PSMC2: variants seen among roughly 807,000 people sequenced by gnomAD.
PSMC2 encodes the protein 26S proteasome regulatory subunit 7.
Under a neutral mutation model 53.3 loss-of-function variants are expected in PSMC2, and 7 were observed. The observed-to-expected ratio is 0.13, with a 90% CI of 0.07 to 0.25. The LOEUF (loss-of-function observed/expected upper bound fraction) is 0.25, where lower values mean the gene tolerates loss of function less well. Ranked by LOEUF, PSMC2 falls within the 10% of genes least tolerant of loss-of-function variation. The pLI is 1.00. For missense variants in PSMC2, 241 were observed against 544.0 expected (o/e 0.44, Z 5.54); for synonymous variants, 169 against 183.9 (o/e 0.92, Z 0.66).
At position 103,368,099 on chromosome 7, in the gene PSMC2, C is replaced by T; in HGVS notation, c.*45C>T. ...GAAAACTTTAAATTGGAATCCTAAC[C>T]TTATATAGACTTGTTAATAACCAAT... On this transcript the variant is annotated 3_prime_UTR_variant, in exon 12 of 12. Transcript: ENST00000292644. 2 of 1,503,896 alleles carry T rather than the reference C, an allele frequency of 1.3e-6. No homozygotes were observed. Among genetic ancestry groups the T allele is most frequent in the South Asian group, 1.3e-5 (1 of 78,820 alleles). 93.2% of individuals were successfully genotyped at this position (1,503,896 alleles called of 1,614,324 possible). A position where few individuals can be genotyped will look rare whatever the true frequency, so the allele number is the denominator to read the frequency against.
Position 103,368,057 on chromosome 7 carries a change from C to G in PSMC2, c.*3C>G. 1 of 1,594,840 alleles carries G rather than the reference C, an allele frequency of 6.3e-7. No homozygotes were observed. The highest frequency in any genetic ancestry group is 1.1e-5 in the South Asian group (1 of 89,480). ...CTCGTTACATGACATACAACTGAACCCTGAAGGCTTTCAAGTGAAAACTTT... is the reference window on the plus strand; with the variant it reads ...CTCGTTACATGACATACAACTGAACGCTGAAGGCTTTCAAGTGAAAACTTT... On this transcript the variant is annotated 3_prime_UTR_variant, in exon 12 of 12. Coordinates refer to ENST00000292644, the MANE Select transcript of PSMC2 (RefSeq NM_002803.4).
upstream of PSMC2, chr7:103,347,527 A>C (rs112987408): frequency 0.024 from 14,274 of 587,276 alleles, 262 homozygotes; most frequent in Non-Finnish European, 0.029. Context: ...CTCACAGGTA[A>C]TCAGTCCAAA....
At chr7:103,355,936 T>A in intron 4 of PSMC2, 143 bp downstream of exon 4, 1 of 542,410 alleles carries the variant, frequency 1.8e-6, no homozygotes, top group Non-Finnish European at 3.2e-6. Context: ...AAACTGGGGT[T>A]AAAATTTTAT....
At chr7:103,366,256 TTAACTC>T (rs1177198923) in intron 9 of PSMC2, 93 bp downstream of exon 9, 1 of 1,132,764 alleles carries the variant, frequency 8.8e-7, no homozygotes, top group Non-Finnish European at 1.3e-6. Context: ...GTACAGAATT[TTAACTC>T]CAACTCTTCT....
intron 4 of PSMC2, among the ~76,000 whole-genome samples, chr7:103,361,510 C>CAAAAAAA (rs759044767): frequency 0.011 from 553 of 49,414 alleles, 1 homozygote; most frequent in East Asian, 0.017. Flanking sequence ...AACTCCATCT[C>CAAAAAAA]AAAAAAAAAA....
At chr7:103,365,599 A>G (rs1344549754) in intron 8 of PSMC2, among the ~76,000 whole-genome samples, 1 of 152,168 alleles carries the variant, frequency 6.6e-6, no homozygotes, top group African/African-American at 2.4e-5. Context: ...ATTGCACACC[A>G]GCCTGGGCAA....
intron 9 of PSMC2, among the ~76,000 whole-genome samples, chr7:103,366,926 T>A (rs1257706435): frequency 2.0e-5 from 3 of 152,192 alleles, no homozygotes; most frequent in Non-Finnish European, 4.4e-5. Context: ...TGTCTCAGCC[T>A]CCTGAGTAGC....
At chr7:103,355,955 C>A (rs1158072050) in intron 4 of PSMC2, among the ~76,000 whole-genome samples, 162 bp downstream of exon 4, 2 of 152,096 alleles carry the variant, frequency 1.3e-5, no homozygotes, top group Non-Finnish European at 2.9e-5. Context: ...ATGCCTTAAA[C>A]AATTCTTCAA....
intron 4 of PSMC2, among the ~76,000 whole-genome samples, chr7:103,359,386 T>C (rs1820244425): frequency 6.6e-6 from 1 of 152,078 alleles, no homozygotes; most frequent in Non-Finnish European, 1.5e-5. Flanking sequence ...ATTTAGTGAT[T>C]TTTAGAATAT....
At chr7:103,357,227 G>C (rs1377761756) in intron 4 of PSMC2, among the ~76,000 whole-genome samples, 1 of 151,714 alleles carries the variant, frequency 6.6e-6, no homozygotes, top group Non-Finnish European at 1.5e-5. Context: ...TGGAGAGGCT[G>C]AGGCAGGAGA....
intron 4 of PSMC2, among the ~76,000 whole-genome samples, 170 bp downstream of exon 4, chr7:103,355,963 C>T (rs770323899): frequency 6.6e-6 from 1 of 152,024 alleles, no homozygotes. Flanking sequence ...AACAATTCTT[C>T]AAAAATATAT....
At chr7:103,347,533 C>A, upstream of PSMC2, 2 of 625,852 alleles carry the variant, frequency 3.2e-6, no homozygotes, top group Non-Finnish European at 2.8e-6. Context: ...GGTAATCAGT[C>A]CAAAAACCAG....
intron 4 of PSMC2, among the ~76,000 whole-genome samples, chr7:103,357,326 CAAAA>C (rs762310758): frequency 2.6e-5 from 2 of 77,824 alleles, no homozygotes; most frequent in African/African-American, 4.7e-5. Flanking sequence ...TACTCTGTCT[CAAAA>C]AAAAAAAAAA....
intron 2 of PSMC2, among the ~76,000 whole-genome samples, chr7:103,354,271 A>G (rs1819899169): frequency 6.6e-6 from 1 of 152,164 alleles, no homozygotes; most frequent in African/African-American, 2.4e-5. Flanking sequence ...AATCATTTAC[A>G]CAAGTTTACT....
intron 4 of PSMC2, 151 bp from the exon 5 acceptor site, chr7:103,361,806 T>A: frequency 1.5e-6 from 1 of 652,222 alleles, no homozygotes; most frequent in Non-Finnish European, 2.3e-6. Flanking sequence ...ACCTTTGGAG[T>A]TGGGTATAGA....
At chr7:103,363,216 G>A (rs1397030203) in intron 6 of PSMC2, 128 bp from the exon 7 acceptor site, 3 of 692,806 alleles carry the variant, frequency 4.3e-6, no homozygotes, top group East Asian at 2.7e-5. Context: ...ACTGGGCAAT[G>A]TATTCAATTT....
chr7:103,354,027 CT>C, intron 2 of PSMC2, 69 bp downstream of exon 2: 2 of 1,198,444 alleles, frequency 1.7e-6, no homozygotes, highest in Non-Finnish European at 2.3e-6. Flanking sequence ...TGGTATTGTC[CT>C]TCCAAAATAA....
intron 8 of PSMC2, 96 bp downstream of exon 8, chr7:103,364,403 C>T: frequency 7.2e-7 from 1 of 1,382,956 alleles, no homozygotes; most frequent in Non-Finnish European, 9.9e-7. Context: ...GGATCCAGAC[C>T]TGAAATTTCT....
intron 5 of PSMC2, 153 bp downstream of exon 5, chr7:103,362,241 G>C: frequency 7.0e-7 from 1 of 1,437,036 alleles, no homozygotes. Flanking sequence ...TCTGTCTTCT[G>C]CATCTGCTTC....
Sources: allele counts gnomAD v4.1 joint callset (sites outside exome capture counted in the v4.1 genomes callset), GRCh38; gene constraint gnomAD v4.1.1; transcripts MANE v1.5; gene names NCBI Gene and HGNC (gene_info 2026-07-23, HGNC 2026-07-21).